The following CASP2 variants were observed in gnomAD, a reference collection of about 807,000 sequenced individuals.
CASP2 encodes the protein caspase 2.
Under a neutral mutation model 54.4 loss-of-function variants are expected in CASP2, and 38 were observed. That is an observed-to-expected ratio of 0.70 (90% CI 0.54 to 0.92). The LOEUF is 0.92. Among genes scored for constraint, CASP2 ranks in the 40% least tolerant of loss-of-function variants. The pLI, the probability that CASP2 is intolerant of heterozygous loss-of-function variation, is 0.00. For missense variants in CASP2, 512 were observed against 579.6 expected (o/e 0.88, Z 1.20); for synonymous variants, 215 against 216.3 (o/e 0.99, Z 0.05).
rs1384650343 is a variant in CASP2, at chr7:143,288,537, G to A, written c.74+8G>A. 1.9e-6 allele frequency: 3 copies of A among 1,612,582 alleles called. No individual in the cohort carries two copies. Among genetic ancestry groups the A allele is most frequent in the East Asian group, 4.5e-5 (2 of 44,866 alleles). On this transcript the variant is annotated splice_region_variant and intron_variant, in intron 1 of 10. Coordinates refer to ENST00000310447, the MANE Select transcript of CASP2 (RefSeq NM_032982.4). ...CGCTGACAGGGGACGCAGGTAAGTA[G>A]GGAACGGTCTTAGGGCTCCTTAGGG...
In CASP2 at chr7:143,289,771, A is replaced by G. The variant is rs181099462; in HGVS notation, c.74+1242A>G. 1.8e-3 allele frequency: 375 copies of G among 211,718 alleles called. 1 individual carries two copies. Among genetic ancestry groups the G allele is most frequent in the Middle Eastern group, 9.8e-3 (4 of 410 alleles). The allele number at this position is 211,718 out of a possible 1,614,324, so 13.1% of individuals were successfully genotyped here. On this transcript the variant is annotated intron_variant, in intron 1 of 10. Coordinates refer to ENST00000310447, the MANE Select transcript of CASP2 (RefSeq NM_032982.4). ...TTGTATAGCTCTTTTTCTTGTAGCCAGTTTTTCCTGAAAGTCTTGGGTAAT... is the reference window on the plus strand; with the variant it reads ...TTGTATAGCTCTTTTTCTTGTAGCCGGTTTTTCCTGAAAGTCTTGGGTAAT...
intron 5 of CASP2, 101 bp from the exon 6 acceptor site, chr7:143,294,496 G>T (rs1009724594): frequency 5.6e-6 from 7 of 1,259,704 alleles, no homozygotes; most frequent in Admixed American, 1.7e-5. Flanking sequence ...TGGAGGTTAA[G>T]AAGAAAAATA....
At chr7:143,299,464 A>G (rs1801850923) in intron 6 of CASP2, among the ~76,000 whole-genome samples, 3 of 152,194 alleles carry the variant, frequency 2.0e-5, no homozygotes, top group Admixed American at 6.5e-5. Flanking sequence ...AAGTATTGCT[A>G]TTCTCTACTA....
Position 143,305,049 on chromosome 7 carries a change from T to TCC in CASP2, c.1339_1340dup (p.Gly448GlnfsTer59). 6.2e-7 allele frequency: 1 copy of TCC among 1,614,152 alleles called. No homozygotes were observed. The highest frequency in any genetic ancestry group is 8.5e-7 in the Non-Finnish European group (1 of 1,180,012). On this transcript the variant is annotated frameshift_variant, in exon 11 of 11. Coordinates refer to ENST00000310447, the MANE Select transcript of CASP2 (RefSeq NM_032982.4). LOFTEE classifies it high-confidence loss of function. ...ACTCTGTGCCGCCACCTCTACCTGT[T>TCC]CCCAGGACACCCTCCCACATGATGT... is the stretch of plus-strand genomic sequence containing the variant.
chr7:143,300,837 G>A (rs943673187), intron 8 of CASP2: 25 of 1,134,202 alleles, frequency 2.2e-5, no homozygotes, highest in East Asian at 6.7e-5. Flanking sequence ...TTCCTTTTCC[G>A]TGAGCTGCTG....
Position 143,288,368 on chromosome 7 carries a change from C to G in CASP2, c.-88C>G, listed in dbSNP as rs1801439927. ...GCGCAGGCGCAGTGTGCGTCCGCGT[C>G]TGAGGGGAGGGATGTGGGGGAAGCG... On this transcript the variant is annotated 5_prime_UTR_variant, in exon 1 of 11. Transcript: ENST00000310447. The G allele has an allele frequency of 7.4e-7, 1 of 1,355,288 alleles. No individual in the cohort carries two copies. The highest frequency in any genetic ancestry group is 1.4e-5 in the African/African-American group (1 of 69,690). 84.0% of individuals were successfully genotyped at this position (1,355,288 alleles called of 1,614,324 possible). A position where few individuals can be genotyped will look rare whatever the true frequency, so the allele number is the denominator to read the frequency against.
At position 143,304,946 on chromosome 7, in the gene CASP2, G is replaced by T; in HGVS notation, c.1234G>T (p.Ala412Ser). 1 of 1,614,174 alleles carries T rather than the reference G, an allele frequency of 6.2e-7. No individual in the cohort carries two copies. The highest frequency in any genetic ancestry group is 8.5e-7 in the Non-Finnish European group (1 of 1,180,036). Residue 412 changes from alanine to serine, a missense_variant, in exon 11 of 11, where the codon GCA becomes TCA. Around this residue, in one of 3 missense-constraint regions of CASP2, gnomAD observed 417 missense variants for 495.4 expected, o/e 0.84. Transcript: ENST00000310447. ...ATTGGTTCTGCCCCTCCAGGTGAAC[G>T]CACTTATCAAGGATCGGGAAGGTTA... is the stretch of plus-strand genomic sequence containing the variant. Reference protein sequence around the residue: ...HVADMLVKVNALIKDREGYAP... With the variant: ...HVADMLVKVNSLIKDREGYAP...
chr7:143,300,642 T>A (rs943175459), intron 8 of CASP2: 23 of 1,289,772 alleles, frequency 1.8e-5, no homozygotes, highest in Admixed American at 3.0e-5. Flanking sequence ...CAGTTACGGA[T>A]TTTTGATCTG....
chr7:143,292,784 G>T (rs980165743), intron 4 of CASP2, 86 bp downstream of exon 4: 8 of 1,068,884 alleles, frequency 7.5e-6, no homozygotes, highest in African/African-American at 1.6e-5. Context: ...GCCAAGGCGG[G>T]TGGATCACCT....
chr7:143,300,644 T>C, intron 8 of CASP2: 1 of 1,287,302 alleles, frequency 7.8e-7, no homozygotes, highest in Non-Finnish European at 1.0e-6. Context: ...GTTACGGATT[T>C]TTGATCTGTC....
At chr7:143,299,182 T>C (rs1353531375) in intron 6 of CASP2, among the ~76,000 whole-genome samples, 2 of 152,150 alleles carry the variant, frequency 1.3e-5, no homozygotes, top group Non-Finnish European at 2.9e-5. Context: ...TCCTTTGTCA[T>C]AATATCTCAT....
At chr7:143,296,505 G>A (rs1226290053) in intron 6 of CASP2, among the ~76,000 whole-genome samples, 2 of 152,218 alleles carry the variant, frequency 1.3e-5, no homozygotes, top group Admixed American at 1.3e-4. Flanking sequence ...AACTTAAGCT[G>A]GCCTTGAAGG....
chr7:143,293,336 C>T (rs1166935822), intron 4 of CASP2: 1 of 430,630 alleles, frequency 2.3e-6, no homozygotes, highest in Non-Finnish European at 4.1e-6. Context: ...CTTTGTTACC[C>T]AGGCTGGTGT....
intron 6 of CASP2, 59 bp downstream of exon 6, chr7:143,294,832 C>A: frequency 1.4e-6 from 2 of 1,449,070 alleles, no homozygotes; most frequent in Non-Finnish European, 1.9e-6. Flanking sequence ...ACTTTGGGAC[C>A]AGAGACATCG....
chr7:143,299,857 A>G (rs769412550), intron 6 of CASP2, 66 bp from the exon 7 acceptor site: 2 of 1,601,754 alleles, frequency 1.2e-6, no homozygotes, highest in Non-Finnish European at 1.7e-6. Flanking sequence ...TCAAAAAGAA[A>G]CCAAACTTTG....
rs529102274 is a variant in CASP2 at position 143,292,149 on chromosome 7, C to T, written c.226-151C>T. On this transcript the variant is annotated intron_variant, in intron 2 of 10. Coordinates refer to ENST00000310447, the MANE Select transcript of CASP2 (RefSeq NM_032982.4). ...AGCATTTGAGAGAAATGATATATAA[C>T]TCAAGAATAACAGAAAGGACTTCAC... The T allele has an allele frequency of 1.2e-5, 9 of 748,024 alleles. No homozygotes were observed. The East Asian group carries it at 2.2e-4, about 18-fold the overall frequency. The allele number at this position is 748,024 out of a possible 1,614,324, so 46.3% of individuals were successfully genotyped here.
Position 143,294,916 on chromosome 7 carries a change from G to A in CASP2, c.747+143G>A, listed in dbSNP as rs1563062278. 6.6e-6 allele frequency: 5 copies of A among 756,544 alleles called. No individual in the cohort carries two copies. In the South Asian group the frequency reaches 7.5e-5, roughly 11 times the overall value. The allele number at this position is 756,544 out of a possible 1,614,324, so 46.9% of individuals were successfully genotyped here. ...CTTACATTTTTACTCACTCTGTTCT[G>A]CCTCTCACCTTGCATTCTAGTAAGA... On this transcript the variant is annotated intron_variant, in intron 6 of 10. Transcript: ENST00000310447.
In CASP2 at chr7:143,304,673, G is replaced by A; in HGVS notation, c.1118-1G>A. On this transcript the variant is annotated splice_acceptor_variant, in intron 9 of 10. Transcript: ENST00000310447. LOFTEE classifies it high-confidence loss of function. ...TGTGATTAATGCCCTTTTGGTTGCA[G>A]GGACTGCCGCCATGCGGAACACCAA... is the stretch of plus-strand genomic sequence containing the variant. 1 of 1,613,038 alleles carries A rather than the reference G, an allele frequency of 6.2e-7. No homozygotes were observed. Among genetic ancestry groups the A allele is most frequent in the Non-Finnish European group, 8.5e-7 (1 of 1,179,064 alleles).
rs144742165 is a variant in CASP2 at position 143,293,741 on chromosome 7, G to A, written c.476-489G>A. 1.6e-3 allele frequency among the ~76,000 whole-genome samples: 237 copies of A among 152,098 alleles called. 1 individual carries two copies. The highest frequency in any genetic ancestry group is 2.9e-3 in the South Asian group (14 of 4,820). The stretch of plus-strand genomic sequence containing the variant: ...CCTGACCTCGTGATCTGCCTGCCTC[G>A]GCCTCCCAAAGTGTTGGGATTACAG... On this transcript the variant is annotated intron_variant, in intron 4 of 10. Transcript: ENST00000310447.
Sources: allele counts gnomAD v4.1 joint callset (sites outside exome capture counted in the v4.1 genomes callset), GRCh38; gene constraint gnomAD v4.1.1; regional missense constraint gnomAD v4.1.1; transcripts MANE v1.5; gene names NCBI Gene and HGNC (gene_info 2026-07-23, HGNC 2026-07-21).